Variants in CACNA1A observed in about 807,000 individuals in gnomAD.
The protein encoded by CACNA1A is voltage-dependent P/Q-type calcium channel subunit alpha-1A.
Under a neutral mutation model 262.4 loss-of-function variants are expected in CACNA1A, and 57 were observed. The ratio of observed to expected loss-of-function variants is 0.22; its 90% confidence interval spans 0.18 to 0.27. CACNA1A has a LOEUF of 0.27. CACNA1A is among the 10% of genes least tolerant of loss of function. The pLI is 1.00. For missense variants in CACNA1A, 2,526 were observed against 3,562.8 expected (o/e 0.71, Z 7.41); for synonymous variants, 1,431 against 1,419.3 (o/e 1.01, Z -0.18).
intron 1 of CACNA1A, among the ~76,000 whole-genome samples, chr19:13,472,685 T>C (rs572483562): frequency 2.0e-5 from 3 of 152,320 alleles, no homozygotes; most frequent in South Asian, 4.1e-4. Context: ...AGGTCTTCAC[T>C]TACGTGGTAC....
At chr19:13,376,854 ATATGT>A (rs2059425745) in intron 3 of CACNA1A, among the ~76,000 whole-genome samples, 1 of 145,184 alleles carries the variant, frequency 6.9e-6, no homozygotes. Context: ...TATATAACAC[ATATGT>A]TATATGTGAT....
chr19:13,398,131 CGGGCACCTG>C, intron 3 of CACNA1A, among the ~76,000 whole-genome samples: 1 of 151,968 alleles, frequency 6.6e-6, no homozygotes, highest in South Asian at 2.1e-4. Flanking sequence ...GGTGTGGTGG[CGGGCACCTG>C]TAATTCCAGC....
chr19:13,309,860 C>T (rs1350484159), intron 12 of CACNA1A, among the ~76,000 whole-genome samples: 1 of 152,100 alleles, frequency 6.6e-6, no homozygotes, highest in East Asian at 1.9e-4. Flanking sequence ...CTTTGAATTA[C>T]ACAATTCAGT....
chr19:13,479,129 G>A lies in CACNA1A; in HGVS notation c.294-23917C>T, dbSNP rs187504184. Among the ~76,000 whole-genome samples the A allele has an allele frequency of 1.8e-4, 28 of 152,276 alleles. No homozygotes were observed. The East Asian group carries it at 1.9e-3, about 10-fold the overall frequency. On this transcript the variant is annotated intron_variant, in intron 1 of 46. Transcript: ENST00000360228. ...GTGGAGGTTGCAGTGAGCCCAGATCGTGCCACCACACTCCAGCCTGGGTAA... is the reference window on the plus strand; with the variant it reads ...GTGGAGGTTGCAGTGAGCCCAGATCATGCCACCACACTCCAGCCTGGGTAA...
At chr19:13,504,998 C>G (rs969813914) in intron 1 of CACNA1A, among the ~76,000 whole-genome samples, 2 of 152,126 alleles carry the variant, frequency 1.3e-5, no homozygotes. Context: ...CATTTACCTA[C>G]CTAAGATGTC....
At chr19:13,377,083 C>T (rs1021434178) in intron 3 of CACNA1A, among the ~76,000 whole-genome samples, 1 of 151,974 alleles carries the variant, frequency 6.6e-6, no homozygotes, top group African/African-American at 2.4e-5. Flanking sequence ...CCTCAGCCTC[C>T]AGGGTAGCTG....
At chr19:13,505,455 G>A (rs1213598983) in intron 1 of CACNA1A, among the ~76,000 whole-genome samples, 1 of 152,118 alleles carries the variant, frequency 6.6e-6, no homozygotes, top group African/African-American at 2.4e-5. Context: ...AGCAGTAGTG[G>A]AGAGGCTGTC....
chr19:13,458,963 G>T (rs766640042), intron 1 of CACNA1A, among the ~76,000 whole-genome samples: 3 of 152,142 alleles, frequency 2.0e-5, no homozygotes, highest in South Asian at 2.1e-4. Context: ...TTTAGGGGTG[G>T]ATCATTCTCC....
intron 32 of CACNA1A, 151 bp downstream of exon 32, chr19:13,235,463 G>A: frequency 3.9e-6 from 3 of 761,644 alleles, no homozygotes; most frequent in Non-Finnish European, 4.6e-6. Context: ...GACACACCAG[G>A]GACAGGAAGT....
At chr19:13,465,202 A>G (rs532299515) in intron 1 of CACNA1A, among the ~76,000 whole-genome samples, 40 of 152,258 alleles carry the variant, frequency 2.6e-4, no homozygotes, top group African/African-American at 9.6e-4. Context: ...AAGTACTGGG[A>G]TTACAGGCAT....
At chr19:13,240,727 C>CTGCAGTGACTGCGTGCAGCGTCTGTG (rs1228363302) in intron 31 of CACNA1A, among the ~76,000 whole-genome samples, 3 of 129,068 alleles carry the variant, frequency 2.3e-5, no homozygotes, top group Admixed American at 1.7e-4. Context: ...TGTGCAGTGA[C>CTGCAGTGACTGCGTGCAGCGTCTGTG]TGCAGTGACT....
intron 38 of CACNA1A, among the ~76,000 whole-genome samples, chr19:13,216,763 C>A (rs138695026): frequency 6.6e-6 from 1 of 151,850 alleles, no homozygotes; most frequent in Non-Finnish European, 1.5e-5. Context: ...CTTTGTTCAC[C>A]GAAGCCTTGA....
At chr19:13,300,015 G>C (rs183589121) in intron 18 of CACNA1A, among the ~76,000 whole-genome samples, 104 of 152,232 alleles carry the variant, frequency 6.8e-4, no homozygotes, top group Middle Eastern at 6.8e-3. Flanking sequence ...CTGATCTGAC[G>C]GCAGGTGGAG....
intron 24 of CACNA1A, among the ~76,000 whole-genome samples, chr19:13,270,341 G>T (rs1429607951): frequency 6.9e-6 from 1 of 145,882 alleles, no homozygotes; most frequent in Non-Finnish European, 1.5e-5. Flanking sequence ...TCTATGAGGG[G>T]ATATGCACAG....
At chr19:13,469,615 ATTTTTT>A (rs745335031) in intron 1 of CACNA1A, among the ~76,000 whole-genome samples, 1 of 133,812 alleles carries the variant, frequency 7.5e-6, no homozygotes, top group South Asian at 2.4e-4. Context: ...CGCCTGGCTA[ATTTTTT>A]TTTTTTTTTT....
At chr19:13,304,516 AG>A (rs2057857005) in intron 15 of CACNA1A, among the ~76,000 whole-genome samples, 1 of 151,882 alleles carries the variant, frequency 6.6e-6, no homozygotes, top group South Asian at 2.1e-4. Flanking sequence ...CAGCTACTCA[AG>A]GGGCTGAGGT....
chr19:13,467,173 C>A (rs1033371390), intron 1 of CACNA1A, among the ~76,000 whole-genome samples: 2 of 152,038 alleles, frequency 1.3e-5, no homozygotes, highest in Non-Finnish European at 2.9e-5. Context: ...AAGACAAACA[C>A]GAAATTGCTA....
intron 24 of CACNA1A, chr19:13,275,625 A>C (rs936005966): frequency 7.1e-6 from 4 of 563,992 alleles, no homozygotes; most frequent in Non-Finnish European, 1.3e-5. Flanking sequence ...CTGTGTGAGG[A>C]GGTAGAAGGT....
At chr19:13,400,444 G>A (rs997951404) in intron 3 of CACNA1A, among the ~76,000 whole-genome samples, 8 of 152,094 alleles carry the variant, frequency 5.3e-5, no homozygotes, top group Non-Finnish European at 1.2e-4. Context: ...TTTTTAACTA[G>A]ATGAATACTG....
Sources: gnomAD v4.1 joint callset for allele counts (sites outside exome capture counted in the v4.1 genomes callset) on GRCh38, gnomAD v4.1.1 for gene constraint, MANE v1.5 for transcripts, NCBI Gene and HGNC (gene_info 2026-07-23, HGNC 2026-07-21) for gene names.